ZNF680: variants seen among roughly 807,000 people sequenced by gnomAD.
The protein encoded by ZNF680 is zinc finger protein 680.
ZNF680 carries 6 observed loss-of-function variants against 12.1 expected under a neutral mutation model. That is an observed-to-expected ratio of 0.49 (90% confidence interval 0.27 to 0.98). The LOEUF (loss-of-function observed/expected upper bound fraction) is 0.98, where lower values mean the gene tolerates loss of function less well. Ranked by LOEUF, ZNF680 falls within the 50% of genes least tolerant of loss-of-function variation. The probability of loss-of-function intolerance (pLI) is 0.12; values close to 1 mark genes in which losing one functional copy is unlikely to be tolerated. For synonymous variants in ZNF680, 170 were observed against 199.3 expected (o/e 0.85, Z 1.24); for missense variants, 561 against 616.3 (o/e 0.91, Z 0.95).
In ZNF680 at chr7:64,522,435, C is replaced by T. The variant is rs759969919; in HGVS notation, c.319G>A (p.Val107Met). ...CATTTTCCATATCCTCTCAGTATCACTTTTTGAAAAGAATCTTTTATGCTA... is the reference window on the plus strand; with the variant it reads ...CATTTTCCATATCCTCTCAGTATCATTTTTTGAAAAGAATCTTTTATGCTA... The part of the protein sequence containing the change: ...EHSIKDSFQK[V>M]ILRGYGKCGH... Residue 107 changes from valine to methionine, a missense_variant, in exon 4 of 4, where the codon GTG (valine) becomes ATG (methionine). Transcript: ENST00000309683. The T allele has an allele frequency of 9.4e-6, 15 of 1,601,026 alleles. No homozygotes were observed. Among genetic ancestry groups the T allele is most frequent in the African/African-American group, 8.1e-5 (6 of 74,282 alleles).
intron 3 of ZNF680, among the ~76,000 whole-genome samples, chr7:64,540,597 C>T (rs925864724): frequency 1.3e-5 from 2 of 152,090 alleles, no homozygotes; most frequent in African/African-American, 4.8e-5. Context: ...GCCACTGAGC[C>T]CGGCTGATTT....
chr7:64,542,231 CA>C (rs67884956), intron 3 of ZNF680, among the ~76,000 whole-genome samples: 34,273 of 151,704 alleles, frequency 0.23, 4,060 homozygotes, highest in South Asian at 0.28. Context: ...GAGAACCCAA[CA>C]AAAAAAATCT....
chr7:64,562,776 A>G, intron 1 of ZNF680, 149 bp downstream of exon 1: 2 of 819,990 alleles, frequency 2.4e-6, no homozygotes, highest in Non-Finnish European at 2.0e-6. Context: ...TTATGGCTGA[A>G]GGGGACTGAG....
Position 64,521,068 on chromosome 7 carries a change from A to G in ZNF680, c.*93T>C. 7.5e-7 allele frequency: 1 copy of G among 1,328,788 alleles called. No homozygotes were observed. The highest frequency in any genetic ancestry group is 1.0e-6 in the Non-Finnish European group (1 of 970,284). The allele number at this position is 1,328,788 out of a possible 1,614,324, so 82.3% of individuals were successfully genotyped here. A position where few individuals can be genotyped will look rare whatever the true frequency, so the allele number is the denominator to read the frequency against. On this transcript the variant is annotated 3_prime_UTR_variant, in exon 4 of 4. Transcript: ENST00000309683. The stretch of plus-strand genomic sequence containing the variant: ...CTCCAATATAAATTATCTTACCTAC[A>G]AGCAAGTGTAACAATCATTGGAAGG...
the ZNF680 span, among the ~76,000 whole-genome samples, chr7:64,502,747 T>A: frequency 6.6e-6 from 1 of 151,732 alleles, no homozygotes; most frequent in African/African-American, 2.4e-5. Flanking sequence ...GTTATTCTCC[T>A]CTCAGTTTTG....
chr7:64,501,936 T>C, the ZNF680 span, among the ~76,000 whole-genome samples: 2 of 151,968 alleles, frequency 1.3e-5, no homozygotes, highest in African/African-American at 4.8e-5. Flanking sequence ...AGTCTTACCC[T>C]GTAGTTTTTG....
rs1791538622 is a variant in ZNF680 at position 64,521,638 on chromosome 7, A to G, written c.1116T>C (p.His372=). The change falls in exon 4 of 4, where the codon CAT becomes CAC. Residue 372 remains histidine (H), a synonymous_variant. Coordinates refer to ENST00000309683, the MANE Select transcript of ZNF680 (RefSeq NM_178558.5). ...FANLTRHKKI[H]TGEKSYKCEE... is the part of the protein sequence containing the mutation. Reference sequence around the variant, plus strand: ...CACATTTGTAGGATTTCTCTCCAGTATGAATTTTCTTATGTCTAGTAAGGT... The same window carrying G: ...CACATTTGTAGGATTTCTCTCCAGTGTGAATTTTCTTATGTCTAGTAAGGT... 1.9e-6 allele frequency: 3 copies of G among 1,612,334 alleles called. No individual in the cohort carries two copies. The highest frequency in any genetic ancestry group is 2.5e-6 in the Non-Finnish European group (3 of 1,179,742).
intron 3 of ZNF680, among the ~76,000 whole-genome samples, chr7:64,542,703 G>A (rs1039350858): frequency 1.3e-5 from 2 of 152,028 alleles, no homozygotes; most frequent in Admixed American, 1.3e-4. Context: ...TTAGAGAAGA[G>A]GCAAATAATT....
intron 1 of ZNF680, among the ~76,000 whole-genome samples, chr7:64,554,904 T>G (rs1787324490): frequency 6.6e-6 from 1 of 151,480 alleles, no homozygotes; most frequent in South Asian, 2.1e-4. Context: ...GTTCACATGT[T>G]TATCTGCTGA....
At chr7:64,554,921 C>T (rs1433153850) in intron 1 of ZNF680, among the ~76,000 whole-genome samples, 1 of 152,032 alleles carries the variant, frequency 6.6e-6, no homozygotes, top group Non-Finnish European at 1.5e-5. Flanking sequence ...CTGACCTTCC[C>T]TCCACTATTG....
intron 3 of ZNF680, among the ~76,000 whole-genome samples, chr7:64,530,196 C>T (rs563274266): frequency 6.6e-6 from 1 of 152,204 alleles, no homozygotes; most frequent in South Asian, 2.1e-4. Context: ...AAAACAGAAC[C>T]TCTTTAAAGC....
intron 3 of ZNF680, among the ~76,000 whole-genome samples, chr7:64,528,164 T>G (rs1006660030): frequency 6.6e-6 from 1 of 151,964 alleles, no homozygotes; most frequent in South Asian, 2.1e-4. Flanking sequence ...GCTCACTGGG[T>G]CCCCAAGCAG....
chr7:64,526,844 G>A (rs1791878607), intron 3 of ZNF680, among the ~76,000 whole-genome samples: 1 of 152,292 alleles, frequency 6.6e-6, no homozygotes, highest in Middle Eastern at 3.4e-3. Flanking sequence ...TTAACTTTAA[G>A]ATGTTTTATG....
At chr7:64,502,482 A>G in the ZNF680 span, among the ~76,000 whole-genome samples, 22 of 152,170 alleles carry the variant, frequency 1.4e-4, no homozygotes, top group African/African-American at 5.1e-4. Context: ...ACCCCCACAT[A>G]GGTGTGATTT....
chr7:64,502,553 G>C, the ZNF680 span, among the ~76,000 whole-genome samples: 1 of 152,130 alleles, frequency 6.6e-6, no homozygotes, highest in South Asian at 2.1e-4. Context: ...CATGTTAAAT[G>C]CATCCTCTAG....
At chr7:64,505,788 C>T in the ZNF680 span, among the ~76,000 whole-genome samples, 10,361 of 146,480 alleles carry the variant, frequency 0.071, 492 homozygotes, top group Admixed American at 0.11. Context: ...TTTTTTTCCT[C>T]TGCCATGAGA....
chr7:64,550,208 C>T (rs572033959), intron 1 of ZNF680, among the ~76,000 whole-genome samples: 60 of 152,212 alleles, frequency 3.9e-4, no homozygotes, highest in African/African-American at 1.4e-3. Context: ...AAAATAAAAT[C>T]GATTACTAAT....
chr7:64,517,850 A>T (rs1471701138), downstream of ZNF680, among the ~76,000 whole-genome samples: 1 of 152,090 alleles, frequency 6.6e-6, no homozygotes, highest in African/African-American at 2.4e-5. Context: ...TCATCTCAAT[A>T]AACACAGAAA....
chr7:64,544,165 A>G (rs1042172583), intron 2 of ZNF680, 141 bp downstream of exon 2: 5 of 1,304,332 alleles, frequency 3.8e-6, no homozygotes, highest in East Asian at 2.6e-5. Context: ...TTTTTTCTAC[A>G]TGGACAAAGC....
Sources: gnomAD v4.1 joint callset for allele counts (sites outside exome capture counted in the v4.1 genomes callset) on GRCh38, gnomAD v4.1.1 for gene constraint, MANE v1.5 for transcripts, NCBI Gene and HGNC (gene_info 2026-07-23, HGNC 2026-07-21) for gene names.